The following CALCRL variants were observed in gnomAD, a reference collection of about 807,000 sequenced individuals.
CALCRL encodes calcitonin receptor like receptor.
In CALCRL, 27 loss-of-function variants were observed where a neutral mutation model predicts 60.4. The observed-to-expected ratio is 0.45, with a 90% confidence interval of 0.33 to 0.62. CALCRL has a LOEUF of 0.62. CALCRL is among the 20% of genes least tolerant of loss of function. The pLI, the probability that CALCRL is intolerant of heterozygous loss-of-function variation, is 0.03. For missense variants in CALCRL, 424 were observed against 540.7 expected, an observed-to-expected ratio of 0.78 and a Z score of 2.14; for synonymous variants, 190 against 182.6, an observed-to-expected ratio of 1.04 and a Z score of -0.33.
At chr2:187,371,598 T>C (rs184954796) in intron 8 of CALCRL, among the ~76,000 whole-genome samples, 3 of 152,210 alleles carry the variant, frequency 2.0e-5, no homozygotes, top group Admixed American at 6.5e-5. Flanking sequence ...TAGTTAGCTG[T>C]GTTTAAATAT....
intron 8 of CALCRL, among the ~76,000 whole-genome samples, chr2:187,376,202 C>A (rs1331018230): frequency 6.6e-6 from 1 of 152,118 alleles, no homozygotes; most frequent in Non-Finnish European, 1.5e-5. Context: ...GACAGGAAGG[C>A]AAATGCAAGG....
intron 9 of CALCRL, among the ~76,000 whole-genome samples, chr2:187,361,368 G>A (rs1687049555): frequency 6.6e-6 from 1 of 151,924 alleles, no homozygotes; most frequent in Admixed American, 6.6e-5. Flanking sequence ...CAGGCAGGAA[G>A]AGAGACATTC....
intron 1 of CALCRL, among the ~76,000 whole-genome samples, chr2:187,409,523 C>T (rs139806139): frequency 6.6e-6 from 1 of 152,186 alleles, no homozygotes; most frequent in Non-Finnish European, 1.5e-5. Flanking sequence ...AAATGTCATG[C>T]TGTACCTTGG....
intron 1 of CALCRL, among the ~76,000 whole-genome samples, chr2:187,388,152 T>A (rs1419527015): frequency 6.6e-6 from 1 of 152,010 alleles, no homozygotes; most frequent in Non-Finnish European, 1.5e-5. Context: ...ATTTCTTTAT[T>A]TATTGTATCT....
At chr2:187,406,578 A>G (rs1158973449) in intron 1 of CALCRL, among the ~76,000 whole-genome samples, 1 of 152,052 alleles carries the variant, frequency 6.6e-6, no homozygotes, top group African/African-American at 2.4e-5. Flanking sequence ...TTTTATTTTT[A>G]TCTATTTTTA....
At chr2:187,376,490 A>G (rs1168266043) in intron 8 of CALCRL, among the ~76,000 whole-genome samples, 1 of 152,082 alleles carries the variant, frequency 6.6e-6, no homozygotes, top group African/African-American at 2.4e-5. Flanking sequence ...TAGGAGAATA[A>G]GTGGTCTGAT....
At chr2:187,373,289 G>T (rs1687611955) in intron 8 of CALCRL, among the ~76,000 whole-genome samples, 1 of 152,144 alleles carries the variant, frequency 6.6e-6, no homozygotes, top group Admixed American at 6.5e-5. Context: ...TCATTCTATG[G>T]AATAAATGTT....
rs1690146398 is a variant in CALCRL, at chr2:187,426,628, C to A, written c.-293+21411G>T. Among the ~76,000 whole-genome samples the A allele has an allele frequency of 2.0e-5, 3 of 151,924 alleles. No individual in the cohort carries two copies. In the South Asian group the frequency reaches 6.2e-4, roughly 32 times the overall value. The stretch of plus-strand genomic sequence containing the variant: ...CAAACGATATATAATAAATGATTCA[C>A]TGATATATATTAGATTGTAATACTT... On this transcript the variant is annotated intron_variant, in intron 1 of 14. Coordinates refer to ENST00000392370, the MANE Select transcript of CALCRL (RefSeq NM_005795.6).
chr2:187,390,854 A>G (rs1436215402), intron 1 of CALCRL, among the ~76,000 whole-genome samples: 1 of 152,160 alleles, frequency 6.6e-6, no homozygotes, highest in Non-Finnish European at 1.5e-5. Flanking sequence ...CAGCCATTCA[A>G]ACACATAATG....
intron 1 of CALCRL, among the ~76,000 whole-genome samples, chr2:187,421,386 C>T (rs1689865369): frequency 6.6e-6 from 1 of 152,146 alleles, no homozygotes; most frequent in Admixed American, 6.5e-5. Flanking sequence ...GAACATGAGA[C>T]TTCCAGCATC....
At chr2:187,427,340 G>A (rs1016672344) in intron 1 of CALCRL, among the ~76,000 whole-genome samples, 1 of 152,118 alleles carries the variant, frequency 6.6e-6, no homozygotes, top group Non-Finnish European at 1.5e-5. Flanking sequence ...CTAGGGAAAA[G>A]TGTAACACAA....
intron 1 of CALCRL, among the ~76,000 whole-genome samples, chr2:187,422,487 G>A (rs1271017335): frequency 6.6e-6 from 1 of 152,068 alleles, no homozygotes. Flanking sequence ...AATCTAAAAT[G>A]AGGCAGTTTC....
chr2:187,356,749 C>T (rs1385030940), intron 12 of CALCRL, among the ~76,000 whole-genome samples: 2 of 152,216 alleles, frequency 1.3e-5, no homozygotes, highest in Admixed American at 6.5e-5. Flanking sequence ...TTGCAATCTA[C>T]CCATGTGACA....
chr2:187,359,850 G>A (rs1686971205), intron 10 of CALCRL, among the ~76,000 whole-genome samples: 1 of 151,948 alleles, frequency 6.6e-6, no homozygotes, highest in African/African-American at 2.4e-5. Flanking sequence ...AAAATTGTGG[G>A]TGTGCGTGTG....
intron 1 of CALCRL, among the ~76,000 whole-genome samples, chr2:187,419,023 ATTTTTTT>A (rs33929530): frequency 2.3e-5 from 2 of 85,986 alleles, no homozygotes; most frequent in Non-Finnish European, 4.3e-5. Flanking sequence ...CGTCTGGCTA[ATTTTTTT>A]TTTTTTTTTT....
chr2:187,396,020 G>GT (rs5837034), intron 1 of CALCRL, among the ~76,000 whole-genome samples: 77,215 of 144,722 alleles, frequency 0.53, 20,167 homozygotes, highest in East Asian at 0.7. Flanking sequence ...TCCTGACACT[G>GT]TTTGTTGTTG....
chr2:187,445,462 T>G (rs926926078), intron 1 of CALCRL, among the ~76,000 whole-genome samples: 1 of 151,788 alleles, frequency 6.6e-6, no homozygotes, highest in Admixed American at 6.6e-5. Context: ...TTTGATCCTT[T>G]AAAGATTATT....
At chr2:187,401,996 G>A (rs1688908412) in intron 1 of CALCRL, among the ~76,000 whole-genome samples, 5 of 151,280 alleles carry the variant, frequency 3.3e-5, no homozygotes, top group Admixed American at 1.3e-4. Flanking sequence ...AGAAGGGAAA[G>A]AAGGAAGGAA....
At position 187,360,731 on chromosome 2, in the gene CALCRL, C is replaced by T; in HGVS notation, c.648G>A (p.Gln216=). Residue 216 remains glutamine, a synonymous_variant, in exon 10 of 15, where the codon CAG becomes CAA. Coordinates refer to ENST00000392370, the MANE Select transcript of CALCRL (RefSeq NM_005795.6). ...ATNPVSCKVS[Q]FIHLYLMGCN... ...AGCCCATCAGGTAAAGATGAATGAA[C>T]TGGGACACTTTGCAACTAACCTGTG... is the stretch of plus-strand genomic sequence containing the variant. 1.9e-6 allele frequency: 3 copies of T among 1,606,552 alleles called. No homozygotes were observed. The highest frequency in any genetic ancestry group is 2.5e-6 in the Non-Finnish European group (3 of 1,177,426).
Sources: gnomAD v4.1 joint callset for allele counts (sites outside exome capture counted in the v4.1 genomes callset) on GRCh38, gnomAD v4.1.1 for gene constraint, MANE v1.5 for transcripts, NCBI Gene and HGNC (gene_info 2026-07-23, HGNC 2026-07-21) for gene names.